SNED1: variants seen among roughly 807,000 people sequenced by gnomAD.
SNED1 encodes the protein sushi, nidogen and EGF-like domain-containing protein 1.
SNED1 carries 81 observed loss-of-function variants against 166.7 expected under a neutral mutation model. That is an observed-to-expected ratio of 0.49 (90% CI 0.41 to 0.58). The LOEUF (loss-of-function observed/expected upper bound fraction) is 0.58, where lower values mean the gene tolerates loss of function less well. Among genes scored for constraint, SNED1 ranks in the 20% least tolerant of loss-of-function variants. The probability of loss-of-function intolerance (pLI) is 0.00; values close to 1 mark genes in which losing one functional copy is unlikely to be tolerated. For synonymous variants in SNED1, 762 were observed against 822.0 expected, an observed-to-expected ratio of 0.93 and a Z score of 1.25; for missense variants, 1,604 against 2,000.2, an observed-to-expected ratio of 0.80 and a Z score of 3.78.
rs777447970 is a variant in SNED1 at position 241,040,186 on chromosome 2, T to G, written c.1157T>G (p.Met386Arg). Residue 386 changes from methionine (M) to arginine (R), a missense_variant and splice_region_variant, in exon 7 of 32, where the codon ATG becomes AGG. This residue lies in a region of SNED1 where 1,237 missense variants were observed against 1,620.8 expected (regional missense o/e 0.76). Coordinates refer to ENST00000310397, the MANE Select transcript of SNED1 (RefSeq NM_001080437.3). ...QAGYTGAACE[M>R]DVDDCSPDPC... Reference sequence around the variant, plus strand: ...GGATACACCGGAGCAGCCTGCGAGATGGGTGAGTGGCCTGGCTTCGGATTG... The same window carrying G: ...GGATACACCGGAGCAGCCTGCGAGAGGGGTGAGTGGCCTGGCTTCGGATTG... 6.3e-7 allele frequency: 1 copy of G among 1,592,324 alleles called. No homozygotes were observed. The highest frequency in any genetic ancestry group is 1.8e-5 in the Admixed American group (1 of 56,910).
chr2:241,053,239 T>C lies in SNED1; in HGVS notation c.2170T>C (p.Cys724Arg). Residue 724 changes from cysteine to arginine, a missense_variant, in exon 16 of 32, where the codon TGT (cysteine) becomes CGT (arginine). Coordinates refer to ENST00000310397, the MANE Select transcript of SNED1 (RefSeq NM_001080437.3). The part of the protein sequence containing the change: ...TRLGAVALYA[C>R]DRGYSLSAPS... ...GCTGGGCGCGGTGGCCCTGTATGCA[T>C]GTGACCGTGGCTACAGCCTGAGCGC... The C allele has an allele frequency of 1.2e-6, 2 of 1,608,760 alleles. No individual in the cohort carries two copies. The highest frequency in any genetic ancestry group is 1.7e-6 in the Non-Finnish European group (2 of 1,178,818).
rs546192584 is a variant in SNED1, at chr2:241,055,049, G to A, written c.2257+1723G>A. Among the ~76,000 whole-genome samples the A allele has an allele frequency of 9.2e-5, 14 of 152,222 alleles. No homozygotes were observed. In the East Asian group the frequency reaches 1.2e-3, roughly 13 times the overall value. On this transcript the variant is annotated intron_variant, in intron 16 of 31. Transcript: ENST00000310397. Reference sequence around the variant, plus strand: ...GGAGAATCGCTTGAGCCTGGGAGGCGGAGGTTGCAGTGAGGTGAGATCGTG... The same window carrying A: ...GGAGAATCGCTTGAGCCTGGGAGGCAGAGGTTGCAGTGAGGTGAGATCGTG...
At chr2:241,072,455 G>T (rs577752936) in intron 26 of SNED1, 2 of 355,126 alleles carry the variant, frequency 5.6e-6, no homozygotes, top group East Asian at 1.5e-4. Context: ...GCGCGACCCT[G>T]CCCCAGAGGG....
intron 1 of SNED1, among the ~76,000 whole-genome samples, chr2:241,011,287 T>TTCCTGGGGGTGGCAGGTCTCCTGGGTC (rs2060393083): frequency 1.4e-5 from 1 of 71,776 alleles, no homozygotes; most frequent in Non-Finnish European, 2.4e-5. Flanking sequence ...TCTCCTGGGT[T>TTCCTGGGGGTGGCAGGTCTCCTGGGTC]TCCTGGGGGT....
chr2:241,084,106 C>T (rs975463347), intron 29 of SNED1, among the ~76,000 whole-genome samples: 1 of 149,214 alleles, frequency 6.7e-6, no homozygotes, highest in South Asian at 2.1e-4. Context: ...TACTATTGTA[C>T]GAGTTCAATA....
intron 29 of SNED1, among the ~76,000 whole-genome samples, chr2:241,085,672 G>T (rs1015416398): frequency 1.3e-5 from 2 of 151,966 alleles, no homozygotes; most frequent in African/African-American, 4.8e-5. Flanking sequence ...GCTGGGCATT[G>T]TAAGTTTTAT....
chr2:241,078,472 G>T lies in SNED1; in HGVS notation c.3917-3205G>T, dbSNP rs189066623. 1.2e-3 allele frequency among the ~76,000 whole-genome samples: 180 copies of T among 151,722 alleles called. 3 individuals carry two copies. The highest frequency in any genetic ancestry group is 4.1e-3 in the African/African-American group (167 of 41,132). ...GGAACACGATTCAACCATAAAACAA[G>T]GACGCATGCTGCATGCTACAACATG... On this transcript the variant is annotated intron_variant, in intron 27 of 31. Coordinates refer to ENST00000310397, the MANE Select transcript of SNED1 (RefSeq NM_001080437.3).
chr2:241,017,368 G>A (rs2060629644), intron 1 of SNED1, among the ~76,000 whole-genome samples: 1 of 152,202 alleles, frequency 6.6e-6, no homozygotes, highest in Non-Finnish European at 1.5e-5. Flanking sequence ...AGGGGACCAA[G>A]GAGACGCCGT....
upstream of SNED1, among the ~76,000 whole-genome samples, chr2:240,998,164 A>G (rs1294078177): frequency 1.3e-5 from 2 of 152,186 alleles, no homozygotes; most frequent in Non-Finnish European, 2.9e-5. Flanking sequence ...TCTTCCTCAC[A>G]CAGACCCAGG....
chr2:241,061,294 G>T (rs1206707628), intron 16 of SNED1, among the ~76,000 whole-genome samples: 1 of 152,150 alleles, frequency 6.6e-6, no homozygotes, highest in East Asian at 1.9e-4. Flanking sequence ...AGTAATCAGG[G>T]AAATGCAAAT....
intron 1 of SNED1, among the ~76,000 whole-genome samples, chr2:241,021,834 A>G (rs1330592490): frequency 6.6e-6 from 1 of 152,230 alleles, no homozygotes; most frequent in East Asian, 1.9e-4. Flanking sequence ...TTGTTTAATT[A>G]TTTGAGGAAA....
chr2:241,067,302 G>A (rs999496579), intron 21 of SNED1, among the ~76,000 whole-genome samples: 4 of 152,340 alleles, frequency 2.6e-5, no homozygotes, highest in African/African-American at 9.6e-5. Context: ...GAGCTCACAA[G>A]TGGCCCCTTC....
In SNED1 at chr2:240,999,958, C is replaced by A. The variant is rs1407104741; in HGVS notation, c.213+908C>A. 1.3e-5 allele frequency among the ~76,000 whole-genome samples: 2 copies of A among 152,182 alleles called. No individual in the cohort carries two copies. The highest frequency in any genetic ancestry group is 2.4e-5 in the African/African-American group (1 of 41,434). On this transcript the variant is annotated intron_variant, in intron 1 of 31. Transcript: ENST00000310397. The surrounding 1 kb of genome is among the most constrained non-coding windows in gnomAD (Gnocchi z 5.8). Reference sequence around the variant, plus strand: ...GTCCCCTCCAGCTCCGTCACCACGGCCACCTCCACCATCAGCCCTCTCATA... The same window carrying A: ...GTCCCCTCCAGCTCCGTCACCACGGACACCTCCACCATCAGCCCTCTCATA...
chr2:241,047,165 A>T (rs1258942577), intron 8 of SNED1, among the ~76,000 whole-genome samples: 4 of 90,892 alleles, frequency 4.4e-5, no homozygotes, highest in African/African-American at 2.0e-4. Flanking sequence ...AAAAAAAAAA[A>T]AAAAGTAAAT....
At position 241,081,773 on chromosome 2, in the gene SNED1, A is replaced by C; in HGVS notation, c.4013A>C (p.Lys1338Thr). The C allele has an allele frequency of 6.3e-7, 1 of 1,596,390 alleles. No homozygotes were observed. Among genetic ancestry groups the C allele is most frequent in the South Asian group, 1.1e-5 (1 of 88,048 alleles). ...AGCTGTGACTGCGGGCCAGGGTTCAAAGGCAGACGCTGCGAGCTCGGTAAG... is the reference window on the plus strand; with the variant it reads ...AGCTGTGACTGCGGGCCAGGGTTCACAGGCAGACGCTGCGAGCTCGGTAAG... ...AHSCDCGPGFKGRRCELACIK... is the reference protein window; with the variant it reads ...AHSCDCGPGFTGRRCELACIK... The change falls in exon 28 of 32, where the codon AAA (lysine) becomes ACA (threonine). Residue 1338 changes from lysine (K) to threonine (T), a missense_variant. By Grantham distance (78) the Lys-to-Thr change is moderately conservative. Coordinates refer to ENST00000310397, the MANE Select transcript of SNED1 (RefSeq NM_001080437.3).
chr2:241,022,382 C>T (rs1432451836), intron 1 of SNED1, among the ~76,000 whole-genome samples: 2 of 152,066 alleles, frequency 1.3e-5, no homozygotes, highest in African/African-American at 4.8e-5. Flanking sequence ...GTCTTTGATC[C>T]ATCTTGAGTT....
chr2:241,069,095 C>T lies in SNED1; in HGVS notation c.3307+72C>T. 1 of 1,035,284 alleles carries T rather than the reference C, an allele frequency of 9.7e-7. No individual in the cohort carries two copies. Among genetic ancestry groups the T allele is most frequent in the South Asian group, 1.5e-5 (1 of 65,198 alleles). 64.1% of individuals were successfully genotyped at this position (1,035,284 alleles called of 1,614,324 possible). A position where few individuals can be genotyped will look rare whatever the true frequency, so the allele number is the denominator to read the frequency against. Reference sequence around the variant, plus strand: ...GAAGCTCTGGCTTCCTTCCAGCCTCCCCTAGTCCTCTCCAAAGCGTCCACA... The same window carrying T: ...GAAGCTCTGGCTTCCTTCCAGCCTCTCCTAGTCCTCTCCAAAGCGTCCACA... On this transcript the variant is annotated intron_variant, in intron 23 of 31. Coordinates refer to ENST00000310397, the MANE Select transcript of SNED1 (RefSeq NM_001080437.3). The surrounding 1 kb of genome is among the most constrained non-coding windows in gnomAD (Gnocchi z 4.9).
Position 241,033,807 on chromosome 2 carries a change from G to A in SNED1, c.574G>A (p.Val192Met), listed in dbSNP as rs750850197. 1.8e-5 allele frequency: 29 copies of A among 1,610,834 alleles called. No homozygotes were observed. The highest frequency in any genetic ancestry group is 5.5e-5 in the South Asian group (5 of 90,486). The change falls in exon 3 of 32, where the codon GTG becomes ATG. Residue 192 changes from valine to methionine, a missense_variant. Val to Met is a conservative substitution (Grantham distance 21). Transcript: ENST00000310397. Reference sequence around the variant, plus strand: ...CACCATCTTCAACTATGAGTCCATCGTGTGGACCACAGGCACACACGCCAG... The same window carrying A: ...CACCATCTTCAACTATGAGTCCATCATGTGGACCACAGGCACACACGCCAG... ...SFTIFNYESI[V>M]WTTGTHASSG...
At chr2:241,066,322 C>G (rs1190353340) in intron 21 of SNED1, among the ~76,000 whole-genome samples, 2 of 152,182 alleles carry the variant, frequency 1.3e-5, no homozygotes, top group Admixed American at 1.3e-4. Context: ...GGCTTGTGTG[C>G]TGCTGGGAGG....
Sources: gnomAD v4.1 joint callset for allele counts (sites outside exome capture counted in the v4.1 genomes callset) on GRCh38, gnomAD v4.1.1 for gene constraint, gnomAD v4.1.1 regional missense constraint, Gnocchi (gnomAD v3.1) non-coding constraint, MANE v1.5 for transcripts, NCBI Gene and HGNC (gene_info 2026-07-23, HGNC 2026-07-21) for gene names.